CSTPP1: variants seen among roughly 807,000 people sequenced by gnomAD.
The protein encoded by CSTPP1 is centriolar satellite-associated tubulin polyglutamylase complex regulator 1.
chr11:46,978,216 T>TA, the CSTPP1 span, among the ~76,000 whole-genome samples: 1 of 152,138 alleles, frequency 6.6e-6, no homozygotes, highest in South Asian at 2.1e-4. Context: ...GAAGATAACA[T>TA]ACGCATAACA....
chr11:46,943,772 C>T, the CSTPP1 span, among the ~76,000 whole-genome samples: 1 of 152,172 alleles, frequency 6.6e-6, no homozygotes, highest in Admixed American at 6.5e-5. Context: ...CCTATATTCC[C>T]AGCACTGTGG....
chr11:47,163,669 G>A, the CSTPP1 span, among the ~76,000 whole-genome samples: 9 of 152,042 alleles, frequency 5.9e-5, no homozygotes, highest in Admixed American at 5.9e-4. Flanking sequence ...TTGAGACAGG[G>A]TCTCACTTTA....
chr11:46,974,609 G>A, the CSTPP1 span, among the ~76,000 whole-genome samples: 1 of 151,726 alleles, frequency 6.6e-6, no homozygotes, highest in African/African-American at 2.4e-5. Flanking sequence ...GGGAGGCCGA[G>A]GTGGGTGGTT....
chr11:47,006,917 G>T, the CSTPP1 span, among the ~76,000 whole-genome samples: 77 of 150,132 alleles, frequency 5.1e-4, 1 homozygote, highest in South Asian at 0.015. Context: ...CTCCTATTGG[G>T]ATTCTAATTA....
the CSTPP1 span, among the ~76,000 whole-genome samples, chr11:47,033,198 G>A: frequency 6.7e-6 from 1 of 149,404 alleles, no homozygotes; most frequent in Non-Finnish European, 1.5e-5. Context: ...CACACTCGGT[G>A]TAGCTTTATG....
the CSTPP1 span, among the ~76,000 whole-genome samples, chr11:47,082,723 C>T: frequency 5.9e-5 from 9 of 151,998 alleles, no homozygotes; most frequent in Admixed American, 3.3e-4. Context: ...CCCTTTTTCC[C>T]CACCCACAAA....
At chr11:47,081,518 G>A in the CSTPP1 span, among the ~76,000 whole-genome samples, 93 of 152,226 alleles carry the variant, frequency 6.1e-4, no homozygotes, top group African/African-American at 2.2e-3. Context: ...CCAATAAGTG[G>A]CAGAGCTCAG....
the CSTPP1 span, among the ~76,000 whole-genome samples, chr11:47,079,688 C>G: frequency 1.3e-5 from 2 of 152,158 alleles, no homozygotes; most frequent in African/African-American, 2.4e-5. Flanking sequence ...GCTGAATATA[C>G]ATTTGTCTAA....
chr11:46,985,865 A>G, the CSTPP1 span, among the ~76,000 whole-genome samples: 7 of 152,342 alleles, frequency 4.6e-5, no homozygotes, highest in South Asian at 1.4e-3. Context: ...TTATGGTCAC[A>G]TAACTAGGAA....
the CSTPP1 span, among the ~76,000 whole-genome samples, chr11:47,110,014 C>CA: frequency 6.6e-6 from 1 of 152,136 alleles, no homozygotes; most frequent in Non-Finnish European, 1.5e-5. Context: ...GTTCTCAGCT[C>CA]AAATGGTACG....
At chr11:46,957,756 G>A in the CSTPP1 span, among the ~76,000 whole-genome samples, 1 of 152,068 alleles carries the variant, frequency 6.6e-6, no homozygotes, top group Non-Finnish European at 1.5e-5. Flanking sequence ...TTGGACTTAT[G>A]GATTTATGCT....
chr11:47,071,845 A>G, the CSTPP1 span, among the ~76,000 whole-genome samples: 1 of 152,204 alleles, frequency 6.6e-6, no homozygotes, highest in Non-Finnish European at 1.5e-5. Flanking sequence ...AAACCCTCCA[A>G]GGACTATTTG....
At chr11:47,155,327 C>T in the CSTPP1 span, 1 of 1,376,206 alleles carries the variant, frequency 7.3e-7, no homozygotes. Context: ...CCCTGCTGCC[C>T]TGCCCATCTG....
At chr11:47,149,268 C>T in the CSTPP1 span, among the ~76,000 whole-genome samples, 1 of 152,224 alleles carries the variant, frequency 6.6e-6, no homozygotes, top group African/African-American at 2.4e-5. Flanking sequence ...TTTGTGCAGA[C>T]TCTCACTGGC....
chr11:46,999,729 T>C, the CSTPP1 span, among the ~76,000 whole-genome samples: 1 of 152,180 alleles, frequency 6.6e-6, no homozygotes, highest in East Asian at 1.9e-4. Context: ...CATCTTACAG[T>C]TTCGAGTTCA....
chr11:46,987,217 A>G, the CSTPP1 span: 5,506 of 1,614,052 alleles, frequency 3.4e-3, 7 homozygotes, highest in Non-Finnish European at 4.3e-3. Flanking sequence ...GCTCAGCGAC[A>G]TGTCCTCACC....
the CSTPP1 span, among the ~76,000 whole-genome samples, chr11:47,118,576 C>G: frequency 1.3e-5 from 2 of 152,160 alleles, no homozygotes; most frequent in Non-Finnish European, 2.9e-5. Flanking sequence ...GGTTTCTCCC[C>G]ATCTTTGTGG....
At chr11:47,134,996 C>G in the CSTPP1 span, among the ~76,000 whole-genome samples, 4 of 152,000 alleles carry the variant, frequency 2.6e-5, 1 homozygote, top group African/African-American at 9.7e-5. Context: ...GTAGTCCCAG[C>G]TACTTGGGAG....
At chr11:46,985,278 G>T in the CSTPP1 span, among the ~76,000 whole-genome samples, 1 of 152,112 alleles carries the variant, frequency 6.6e-6, no homozygotes, top group Non-Finnish European at 1.5e-5. Flanking sequence ...TTGGGCTCAG[G>T]TTGGCAGGTA....
Sources: allele counts gnomAD v4.1 joint callset (sites outside exome capture counted in the v4.1 genomes callset), GRCh38; gene constraint gnomAD v4.1.1; transcripts MANE v1.5; gene names NCBI Gene and HGNC (gene_info 2026-07-23, HGNC 2026-07-21).